Variants in HIBCH observed in about 807,000 individuals in gnomAD.
HIBCH encodes the protein 3-hydroxyisobutyryl-CoA hydrolase, mitochondrial.
Under a neutral mutation model 58.2 loss-of-function variants are expected in HIBCH, and 50 were observed. The ratio of observed to expected loss-of-function variants is 0.86; its 90% CI spans 0.68 to 1.09. The LOEUF (loss-of-function observed/expected upper bound fraction) is 1.09. Among genes scored for constraint, HIBCH ranks in the 50% least tolerant of loss-of-function variants. The pLI, the probability that HIBCH is intolerant of heterozygous loss-of-function variation, is 0.00. For missense variants in HIBCH, 450 were observed against 449.7 expected, an observed-to-expected ratio of 1.00 and a Z score of -0.01; for synonymous variants, 151 against 146.9, an observed-to-expected ratio of 1.03 and a Z score of -0.20.
At chr2:190,263,656 TA>T (rs1687154692) in intron 6 of HIBCH, among the ~76,000 whole-genome samples, 1 of 152,212 alleles carries the variant, frequency 6.6e-6, no homozygotes, top group Non-Finnish European at 1.5e-5. Flanking sequence ...GAATGTCTAA[TA>T]AGTATCTCAA....
chr2:190,303,339 C>T (rs1688318491), intron 2 of HIBCH, among the ~76,000 whole-genome samples: 1 of 151,366 alleles, frequency 6.6e-6, no homozygotes. Context: ...CCAATAAAGG[C>T]AACCAGAGCT....
At position 190,263,622 on chromosome 2, in the gene HIBCH, C is replaced by G. The variant is rs75704004; in HGVS notation, c.439-2388G>C. On this transcript the variant is annotated intron_variant, in intron 6 of 13. Transcript: ENST00000359678. ...TATTTCCCCATCCCTGATTTCTCTA[C>G]TCAGCTATTTAACGTCTCGTCTTGA... 2.0e-3 allele frequency among the ~76,000 whole-genome samples: 308 copies of G among 152,320 alleles called. 6 individuals carry two copies. In the East Asian group the frequency reaches 0.053, roughly 26 times the overall value.
In HIBCH at chr2:190,288,430, T is replaced by C. The variant is rs116613943; in HGVS notation, c.386-792A>G. Among the ~76,000 whole-genome samples the C allele has an allele frequency of 5.6e-3, 851 of 150,966 alleles. 12 individuals are homozygous for C. The highest frequency in any genetic ancestry group is 0.019 in the African/African-American group (784 of 41,008). On this transcript the variant is annotated intron_variant, in intron 5 of 13. Coordinates refer to ENST00000359678, the MANE Select transcript of HIBCH (RefSeq NM_014362.4). The stretch of plus-strand genomic sequence containing the variant: ...AATGATGCATAAACACTATGATCTA[T>C]CCATTCTACATATTATTTCTGGAGA...
At chr2:190,241,387 C>T (rs1023179739) in intron 11 of HIBCH, among the ~76,000 whole-genome samples, 6 of 152,148 alleles carry the variant, frequency 3.9e-5, no homozygotes, top group African/African-American at 1.4e-4. Flanking sequence ...TCTCCTGAAT[C>T]CAGCACACCA....
rs562571552 is a variant in HIBCH at position 190,293,181 on chromosome 2, A to AG, written c.304+1364_304+1365insC. On this transcript the variant is annotated intron_variant, in intron 4 of 13. Transcript: ENST00000359678. ...ACGAAAGGCTAATTCAAGGCTGAAA[A>AG]ACAGTATTTTAAAAATATGCATGTT... Among the ~76,000 whole-genome samples, 1,026 of 152,318 alleles carry AG rather than the reference A, an allele frequency of 6.7e-3. 12 individuals carry two copies. Among genetic ancestry groups the AG allele is most frequent in the African/African-American group, 0.022 (932 of 41,568 alleles).
chr2:190,252,880 C>T (rs536294809), intron 7 of HIBCH, among the ~76,000 whole-genome samples: 7 of 152,114 alleles, frequency 4.6e-5, no homozygotes, highest in Admixed American at 6.6e-5. Flanking sequence ...AAATTATCTA[C>T]GGGTAACAAC....
chr2:190,245,964 TG>T (rs1686593412), intron 10 of HIBCH, among the ~76,000 whole-genome samples, 189 bp downstream of exon 10: 1 of 130,624 alleles, frequency 7.7e-6, no homozygotes, highest in African/African-American at 3.0e-5. Flanking sequence ...CACTCCAGCC[TG>T]GGGGATAGAG....
intron 3 of HIBCH, among the ~76,000 whole-genome samples, chr2:190,296,188 A>G (rs1474558095): frequency 6.6e-6 from 1 of 152,186 alleles, no homozygotes; most frequent in Non-Finnish European, 1.5e-5. Context: ...TGGGAGGCCG[A>G]GGCAGATAGA....
chr2:190,219,549 C>T (rs576129103), intron 11 of HIBCH, among the ~76,000 whole-genome samples: 28 of 152,234 alleles, frequency 1.8e-4, no homozygotes, highest in African/African-American at 6.7e-4. Context: ...TCGGCCTGCC[C>T]AGCAACTTAG....
chr2:190,242,950 A>G (rs1401089121), intron 11 of HIBCH, among the ~76,000 whole-genome samples: 1 of 152,188 alleles, frequency 6.6e-6, no homozygotes, highest in Non-Finnish European at 1.5e-5. Context: ...GCATTATGTT[A>G]GGCATAATTA....
chr2:190,294,427 C>G, intron 4 of HIBCH, 119 bp downstream of exon 4: 1 of 722,350 alleles, frequency 1.4e-6, no homozygotes, highest in South Asian at 1.7e-5. Flanking sequence ...AATGTATTAA[C>G]TTTATAATAA....
At position 190,281,820 on chromosome 2, in the gene HIBCH, A is replaced by G. The variant is rs977339707; in HGVS notation, c.438+5766T>C. On this transcript the variant is annotated intron_variant, in intron 6 of 13. Coordinates refer to ENST00000359678, the MANE Select transcript of HIBCH (RefSeq NM_014362.4). This position sits in a 1 kb window ranked among gnomAD's most constrained non-coding sequence, Gnocchi z 5.4. The stretch of plus-strand genomic sequence containing the variant: ...GGATTAGATAGATCTTCTTCCAGGC[A>G]TTCTAATTCATGGCTCTAAATTCCT... 1.3e-5 allele frequency among the ~76,000 whole-genome samples: 2 copies of G among 152,198 alleles called. No individual in the cohort carries two copies. Among genetic ancestry groups the G allele is most frequent in the African/African-American group, 4.8e-5 (2 of 41,432 alleles).
In HIBCH at chr2:190,204,292, T is replaced by C. The variant is rs538438356; in HGVS notation, c.*825A>G. ...ATAATTATCACACAAAAGTCTTACG[T>C]AAATTATAAAAAAACAGAGTGTCTC... On this transcript the variant is annotated 3_prime_UTR_variant, in exon 14 of 14. Coordinates refer to ENST00000359678, the MANE Select transcript of HIBCH (RefSeq NM_014362.4). The C allele has an allele frequency of 7.9e-5, 12 of 152,220 alleles. No individual in the cohort carries two copies. Among genetic ancestry groups the C allele is most frequent in the African/African-American group, 2.9e-4 (12 of 41,578 alleles). 9.4% of individuals were successfully genotyped at this position (152,220 alleles called of 1,614,324 possible). A position where few individuals can be genotyped will look rare whatever the true frequency, so the allele number is the denominator to read the frequency against.
intron 6 of HIBCH, 50 bp from the exon 7 acceptor site, chr2:190,261,284 T>C (rs745462789): frequency 7.5e-7 from 1 of 1,335,152 alleles, no homozygotes; most frequent in East Asian, 2.3e-5. Context: ...AACATATTGT[T>C]AAAAAACAAG....
intron 2 of HIBCH, among the ~76,000 whole-genome samples, chr2:190,303,898 G>A (rs1164098439): frequency 6.6e-6 from 1 of 152,098 alleles, no homozygotes; most frequent in East Asian, 1.9e-4. Context: ...GATGAGATTA[G>A]AAGGGCACTT....
Position 190,213,069 on chromosome 2 carries a change from T to C in HIBCH, c.898A>G (p.Asn300Asp). ...TTTAGAGATGTTGGAGACATTTTAT[T>C]AATTACCTTTTGGAGGAAAAAATTT... ...SFALEQLKVI[N>D]KMSPTSLKIT... The change falls in exon 12 of 14, where the codon AAT becomes GAT. Residue 300 changes from asparagine (N) to aspartate (D), a missense_variant. Transcript: ENST00000359678. The C allele has an allele frequency of 6.2e-7, 1 of 1,606,740 alleles. No homozygotes were observed. Among genetic ancestry groups the C allele is most frequent in the Non-Finnish European group, 8.5e-7 (1 of 1,173,474 alleles).
At chr2:190,305,452 C>T (rs1688380088) in intron 2 of HIBCH, among the ~76,000 whole-genome samples, 1 of 152,122 alleles carries the variant, frequency 6.6e-6, no homozygotes, top group Non-Finnish European at 1.5e-5. Flanking sequence ...CTTCACGTGA[C>T]ATTATCCTGT....
intron 2 of HIBCH, among the ~76,000 whole-genome samples, chr2:190,309,280 A>G (rs779426889): frequency 2.4e-4 from 36 of 152,218 alleles, no homozygotes; most frequent in Non-Finnish European, 4.1e-4. Context: ...AATTGCAAAT[A>G]AGAGATCTGT....
rs1337744287 is a variant in HIBCH, at chr2:190,236,702, G to A, written c.891+8185C>T. On this transcript the variant is annotated intron_variant, in intron 11 of 13. Transcript: ENST00000359678. The surrounding 1 kb of genome is among the most constrained non-coding windows in gnomAD (Gnocchi z 4.1). The stretch of plus-strand genomic sequence containing the variant: ...TTCTTTTTTGTATCTACAATAAAAG[G>A]CTTAGAGCCAGTGCAAGAAGGCTGC... Among the ~76,000 whole-genome samples, 2 of 152,164 alleles carry A rather than the reference G, an allele frequency of 1.3e-5. No individual in the cohort carries two copies. The highest frequency in any genetic ancestry group is 3.4e-3 in the Middle Eastern group (1 of 294).
Sources: allele counts gnomAD v4.1 joint callset (sites outside exome capture counted in the v4.1 genomes callset), GRCh38; gene constraint gnomAD v4.1.1; non-coding constraint Gnocchi (gnomAD v3.1); transcripts MANE v1.5; gene names NCBI Gene and HGNC (gene_info 2026-07-23, HGNC 2026-07-21).